COL21A1: variants seen among roughly 807,000 people sequenced by gnomAD.
COL21A1 encodes the protein collagen type XXI alpha 1 chain.
COL21A1 carries 149 observed loss-of-function variants against 137.9 expected under a neutral mutation model. The ratio of observed to expected loss-of-function variants is 1.08; its 90% CI spans 0.95 to 1.24. The LOEUF (loss-of-function observed/expected upper bound fraction) is 1.24. Among genes scored for constraint, COL21A1 ranks in the 50% most tolerant of loss-of-function variants. The pLI is 0.00. For missense variants in COL21A1, 1,167 were observed against 1,158.4 expected (o/e 1.01, Z -0.11); for synonymous variants, 456 against 391.5 (o/e 1.16, Z -1.95).
chr6:56,097,917 A>AAATATATAAATATATAAATATATG lies in COL21A1; in HGVS notation c.1812+3554_1812+3555insCATATATTTATATATTTATATATT, dbSNP rs1562188574. ...TAAATATATAAATATATAAATATAT[A>AAATATATAAATATATAAATATATG]TAAATATATAAATATATAAAAATAT... On this transcript the variant is annotated intron_variant, in intron 17 of 29. Transcript: ENST00000244728. 7.5e-5 allele frequency among the ~76,000 whole-genome samples: 2 copies of AAATATATAAATATATAAATATATG among 26,562 alleles called. 1 individual carries two copies. Among genetic ancestry groups the AAATATATAAATATATAAATATATG allele is most frequent in the Admixed American group, 9.6e-4 (2 of 2,084 alleles). The allele number at this position is 26,562 out of a possible 152,430, so 17.4% of individuals were successfully genotyped here. A position where few individuals can be genotyped will look rare whatever the true frequency, so the allele number is the denominator to read the frequency against.
At chr6:56,291,987 A>C (rs1276871878) in intron 1 of COL21A1, among the ~76,000 whole-genome samples, 1 of 152,040 alleles carries the variant, frequency 6.6e-6, no homozygotes, top group Non-Finnish European at 1.5e-5. Flanking sequence ...TGGCCAACGT[A>C]GTGAAACCCT....
chr6:56,164,904 CATCCAG>C lies in COL21A1; in HGVS notation c.1279-88_1279-83del, dbSNP rs143537174. 4,288 of 1,081,518 alleles carry C rather than the reference CATCCAG, an allele frequency of 4.0e-3. 116 individuals carry two copies. In the African/African-American group the frequency reaches 0.061, roughly 15 times the overall value. The allele number at this position is 1,081,518 out of a possible 1,614,324, so 67.0% of individuals were successfully genotyped here. A position where few individuals can be genotyped will look rare whatever the true frequency, so the allele number is the denominator to read the frequency against. ...TCAGCCTAATTTACAGATATTTCACCATCCAGATTAGAGATATATGAAGTATGAAAA... is the reference window on the plus strand; with the variant it reads ...TCAGCCTAATTTACAGATATTTCACCATTAGAGATATATGAAGTATGAAAA... On this transcript the variant is annotated intron_variant, in intron 7 of 29. Transcript: ENST00000244728.
intron 1 of COL21A1, among the ~76,000 whole-genome samples, chr6:56,324,284 C>T (rs1171895459): frequency 2.6e-5 from 4 of 152,128 alleles, no homozygotes; most frequent in Non-Finnish European, 5.9e-5. Flanking sequence ...CAGATAGAAA[C>T]TTGCAGAGCA....
Position 56,171,101 on chromosome 6 carries a change from A to C in COL21A1, c.668T>G (p.Val223Gly), listed in dbSNP as rs752844827. The C allele has an allele frequency of 6.2e-7, 1 of 1,606,774 alleles. No homozygotes were observed. The highest frequency in any genetic ancestry group is 1.1e-5 in the South Asian group (1 of 89,620). The change falls in exon 4 of 30, where the codon GTG becomes GGG. Residue 223 changes from valine (V) to glycine (G), a missense_variant. Val to Gly is a moderately radical substitution (Grantham distance 109). Transcript: ENST00000244728. ...EESVCPTRIPVAARDERGFDI... is the reference protein window; with the variant it reads ...EESVCPTRIPGAARDERGFDI... ...AAATCCCCTTTCATCACGAGCTGCC[A>C]CTGGAATTCGTGTTGGACAGACAGA...
intron 1 of COL21A1, among the ~76,000 whole-genome samples, chr6:56,183,561 T>C (rs1778056472): frequency 6.6e-6 from 1 of 152,112 alleles, no homozygotes; most frequent in Non-Finnish European, 1.5e-5. Flanking sequence ...AGATAAGTAG[T>C]CCATAGAAAG....
intron 16 of COL21A1, among the ~76,000 whole-genome samples, chr6:56,114,904 C>T (rs1404471696): frequency 1.4e-5 from 2 of 146,898 alleles, no homozygotes; most frequent in African/African-American, 5.0e-5. Flanking sequence ...TTCACAATAG[C>T]AAAGACTTGG....
chr6:56,152,456 TC>T (rs1474517730), intron 10 of COL21A1, among the ~76,000 whole-genome samples: 1 of 152,212 alleles, frequency 6.6e-6, no homozygotes, highest in Non-Finnish European at 1.5e-5. Flanking sequence ...CCATTATTCT[TC>T]CTACCACAGT....
Position 56,163,220 on chromosome 6 carries a change from G to A in COL21A1, c.1371+1203C>T, listed in dbSNP as rs182041250. ...ATTATGGTCGCTTCAAGTAAGAGGT[G>A]ATCAATACACATAAACATTATCTTT... On this transcript the variant is annotated intron_variant, in intron 9 of 29. Coordinates refer to ENST00000244728, the MANE Select transcript of COL21A1 (RefSeq NM_030820.4). Among the ~76,000 whole-genome samples, 787 of 152,218 alleles carry A rather than the reference G, an allele frequency of 5.2e-3. 2 individuals are homozygous for A. The highest frequency in any genetic ancestry group is 7.1e-3 in the Non-Finnish European group (481 of 68,012).
intron 1 of COL21A1, among the ~76,000 whole-genome samples, chr6:56,323,279 A>C (rs186668247): frequency 6.6e-6 from 1 of 152,318 alleles, no homozygotes; most frequent in Non-Finnish European, 1.5e-5. Flanking sequence ...TGAACATCAA[A>C]GTTTTTCATA....
intron 1 of COL21A1, among the ~76,000 whole-genome samples, chr6:56,207,228 T>C (rs1038525935): frequency 6.6e-6 from 1 of 151,906 alleles, no homozygotes; most frequent in Non-Finnish European, 1.5e-5. Context: ...GAAAAACCCT[T>C]CAAAAAATCC....
At chr6:56,172,360 G>A (rs923450441) in intron 3 of COL21A1, among the ~76,000 whole-genome samples, 3 of 152,272 alleles carry the variant, frequency 2.0e-5, no homozygotes, top group Admixed American at 6.5e-5. Flanking sequence ...CAGGCCAGGA[G>A]TGGGATGACA....
In COL21A1 at chr6:56,154,496, T is replaced by A. The variant is rs557813879; in HGVS notation, c.1434+2391A>T. ...CTTTGATTCCTCTCTTCCTTTCATA[T>A]CCTATATCTAAATTTGCTAGCAATT... On this transcript the variant is annotated intron_variant, in intron 10 of 29. Coordinates refer to ENST00000244728, the MANE Select transcript of COL21A1 (RefSeq NM_030820.4). Among the ~76,000 whole-genome samples the A allele has an allele frequency of 2.1e-3, 324 of 152,150 alleles. 2 individuals are homozygous for A. The Middle Eastern group carries it at 0.031, about 14-fold the overall frequency.
chr6:56,277,430 A>G (rs997290940), intron 1 of COL21A1, among the ~76,000 whole-genome samples: 5 of 152,202 alleles, frequency 3.3e-5, no homozygotes, highest in Non-Finnish European at 7.3e-5. Flanking sequence ...ATTCTTTAAT[A>G]CTTGAACCAT....
chr6:56,315,080 A>C (rs956705219), intron 1 of COL21A1, among the ~76,000 whole-genome samples: 2 of 152,276 alleles, frequency 1.3e-5, no homozygotes, highest in Admixed American at 6.5e-5. Flanking sequence ...TTGACAGTCT[A>C]GAAACAAGGT....
chr6:56,348,408 C>G (rs1374075220), intron 1 of COL21A1, among the ~76,000 whole-genome samples: 1 of 152,110 alleles, frequency 6.6e-6, no homozygotes, highest in East Asian at 1.9e-4. Context: ...CAACTTTTGT[C>G]CCCTGGAAAC....
At chr6:56,367,643 T>C (rs545845026) in intron 1 of COL21A1, among the ~76,000 whole-genome samples, 1 of 152,358 alleles carries the variant, frequency 6.6e-6, no homozygotes, top group Non-Finnish European at 1.5e-5. Context: ...CATTAACCTC[T>C]GAATTCCTTG....
intron 20 of COL21A1, among the ~76,000 whole-genome samples, chr6:56,072,700 T>C (rs1238775181): frequency 6.6e-6 from 1 of 151,518 alleles, no homozygotes; most frequent in Admixed American, 6.6e-5. Flanking sequence ...AATGATAAAA[T>C]TGAGTAGTTA....
chr6:56,233,150 G>A (rs1193123581), intron 1 of COL21A1, among the ~76,000 whole-genome samples: 4 of 151,764 alleles, frequency 2.6e-5, no homozygotes, highest in Non-Finnish European at 5.9e-5. Context: ...CAGGCCCCAG[G>A]TAGCTTCCCC....
At chr6:56,363,811 G>A (rs541155188) in intron 1 of COL21A1, among the ~76,000 whole-genome samples, 1 of 152,276 alleles carries the variant, frequency 6.6e-6, no homozygotes, top group South Asian at 2.1e-4. Flanking sequence ...AACCCCCAAG[G>A]GGACTGTGCC....
Sources: allele counts gnomAD v4.1 joint callset (sites outside exome capture counted in the v4.1 genomes callset), GRCh38; gene constraint gnomAD v4.1.1; transcripts MANE v1.5; gene names NCBI Gene and HGNC (gene_info 2026-07-23, HGNC 2026-07-21).